Variants in MYRIP observed in about 807,000 individuals in gnomAD.
MYRIP encodes rab effector MyRIP.
A neutral mutation model predicts 98.0 loss-of-function variants in MYRIP; 49 were observed. That is an observed-to-expected ratio of 0.50 (90% CI 0.40 to 0.63). The LOEUF (loss-of-function observed/expected upper bound fraction) is 0.63. Ranked by LOEUF, MYRIP falls within the 30% of genes least tolerant of loss-of-function variation. MYRIP has a pLI of 0.00. For missense variants in MYRIP, 1,004 were observed against 1,058.2 expected (o/e 0.95, Z 0.71); for synonymous variants, 404 against 409.5 (o/e 0.99, Z 0.16).
intron 2 of MYRIP, among the ~76,000 whole-genome samples, chr3:40,036,522 A>G (rs921591203): frequency 2.6e-5 from 4 of 152,036 alleles, no homozygotes; most frequent in African/African-American, 9.7e-5. Context: ...AAATGTGTAT[A>G]AATCTCTACA....
chr3:39,861,994 A>G (rs1942485643), intron 1 of MYRIP, among the ~76,000 whole-genome samples: 1 of 152,280 alleles, frequency 6.6e-6, no homozygotes, highest in African/African-American at 2.4e-5. Flanking sequence ...GCAGAGAATC[A>G]TTGTGAAATA....
At chr3:40,189,713 C>A in intron 9 of MYRIP, 113 bp from the exon 10 acceptor site, 3 of 1,172,244 alleles carry the variant, frequency 2.6e-6, no homozygotes, top group Non-Finnish European at 3.6e-6. Flanking sequence ...CTAAAGGCAA[C>A]TGCTCTCCAA....
intron 3 of MYRIP, among the ~76,000 whole-genome samples, chr3:40,142,647 T>G (rs935112167): frequency 2.0e-5 from 3 of 151,782 alleles, no homozygotes; most frequent in African/African-American, 7.3e-5. Context: ...TTTGTAGAGA[T>G]GGGGCTTTGC....
chr3:39,929,008 TTGTGTGTGTGTTTGTGGTC>T (rs905849377), intron 2 of MYRIP, among the ~76,000 whole-genome samples: 2 of 151,686 alleles, frequency 1.3e-5, no homozygotes, highest in Non-Finnish European at 2.9e-5. Flanking sequence ...CAAAAATTCA[TTGTGTGTGTGTTTGTGGTC>T]TGTGTGTGTG....
intron 9 of MYRIP, among the ~76,000 whole-genome samples, chr3:40,188,451 G>A (rs1003522762): frequency 1.4e-5 from 2 of 148,064 alleles, no homozygotes; most frequent in Admixed American, 1.3e-4. Flanking sequence ...CTGCCCCCAG[G>A]CAACCCTGCA....
At chr3:40,015,412 A>C (rs1946841284) in intron 2 of MYRIP, among the ~76,000 whole-genome samples, 1 of 152,220 alleles carries the variant, frequency 6.6e-6, no homozygotes, top group Non-Finnish European at 1.5e-5. Flanking sequence ...ATCAGGGTTG[A>C]GACATGACCC....
intron 2 of MYRIP, among the ~76,000 whole-genome samples, chr3:39,918,119 G>A (rs898851700): frequency 6.6e-6 from 1 of 151,940 alleles, no homozygotes; most frequent in African/African-American, 2.4e-5. Flanking sequence ...GTAGAGACGG[G>A]GTTTCACCGT....
At chr3:40,123,672 G>A (rs913369251) in intron 3 of MYRIP, among the ~76,000 whole-genome samples, 3 of 152,220 alleles carry the variant, frequency 2.0e-5, no homozygotes, top group Non-Finnish European at 2.9e-5. Context: ...TCCATTGTGA[G>A]CTGATCCCTC....
intron 3 of MYRIP, among the ~76,000 whole-genome samples, chr3:40,071,663 GT>G (rs1948233302): frequency 6.6e-6 from 1 of 152,154 alleles, no homozygotes; most frequent in Non-Finnish European, 1.5e-5. Flanking sequence ...ATTTTCAGAG[GT>G]TTGCGAGCAG....
intron 1 of MYRIP, among the ~76,000 whole-genome samples, chr3:39,860,372 T>C (rs1258190103): frequency 6.6e-6 from 1 of 152,198 alleles, no homozygotes; most frequent in African/African-American, 2.4e-5. Flanking sequence ...GGGTTTGATA[T>C]GGCAGCATCT....
At chr3:39,877,690 C>G (rs1047894026) in intron 1 of MYRIP, among the ~76,000 whole-genome samples, 1 of 152,126 alleles carries the variant, frequency 6.6e-6, no homozygotes, top group Non-Finnish European at 1.5e-5. Context: ...GCTGTCTGAT[C>G]GTTCCTCTGG....
At chr3:40,087,237 C>T (rs1346034728) in intron 3 of MYRIP, among the ~76,000 whole-genome samples, 1 of 152,066 alleles carries the variant, frequency 6.6e-6, no homozygotes, top group African/African-American at 2.4e-5. Context: ...AGCTCCAAAA[C>T]CACACTTTCT....
intron 12 of MYRIP, among the ~76,000 whole-genome samples, chr3:40,235,081 C>T (rs921158780): frequency 6.6e-6 from 1 of 150,918 alleles, no homozygotes; most frequent in Admixed American, 6.6e-5. Flanking sequence ...CCATTAGCAA[C>T]AAGAAGCCCA....
chr3:40,167,390 T>C (rs1950522134), intron 7 of MYRIP, 151 bp downstream of exon 7: 1 of 718,518 alleles, frequency 1.4e-6, no homozygotes, highest in Non-Finnish European at 2.4e-6. Context: ...TGGGGACCCA[T>C]GCAGAGGGAA....
At chr3:39,929,090 A>G (rs986836387) in intron 2 of MYRIP, among the ~76,000 whole-genome samples, 4 of 152,034 alleles carry the variant, frequency 2.6e-5, no homozygotes. Context: ...AAATTGTATC[A>G]AATTAAAACA....
Position 40,151,036 on chromosome 3 carries a change from T to G in MYRIP, c.333-12T>G. On this transcript the variant is annotated splice_polypyrimidine_tract_variant and intron_variant, in intron 3 of 16. Coordinates refer to ENST00000302541, the MANE Select transcript of MYRIP (RefSeq NM_015460.4). Reference sequence around the variant, plus strand: ...ATTCTAATTTTGTGTTGTCTAATTCTGTTTTCCTCAGGCTTCTGAGGGCCC... The same window carrying G: ...ATTCTAATTTTGTGTTGTCTAATTCGGTTTTCCTCAGGCTTCTGAGGGCCC... 1 of 1,562,406 alleles carries G rather than the reference T, an allele frequency of 6.4e-7. No homozygotes were observed.
chr3:40,210,190 A>G, intron 11 of MYRIP, 97 bp downstream of exon 11: 4 of 1,436,342 alleles, frequency 2.8e-6, no homozygotes, highest in Non-Finnish European at 3.7e-6. Context: ...TGGGTCCCCA[A>G]AGAGCTCTCT....
chr3:40,194,615 T>C (rs115012465), intron 10 of MYRIP, among the ~76,000 whole-genome samples: 2,649 of 152,244 alleles, frequency 0.017, 35 homozygotes, highest in Non-Finnish European at 0.027. Flanking sequence ...AGAAGCCTTT[T>C]TAAGTTTTGA....
At chr3:40,005,569 A>G (rs1946612362) in intron 2 of MYRIP, among the ~76,000 whole-genome samples, 1 of 152,242 alleles carries the variant, frequency 6.6e-6, no homozygotes. Flanking sequence ...TGGAAAATAG[A>G]TTTCATAGGC....
Sources: gnomAD v4.1 joint callset for allele counts (sites outside exome capture counted in the v4.1 genomes callset) on GRCh38, gnomAD v4.1.1 for gene constraint, MANE v1.5 for transcripts, NCBI Gene and HGNC (gene_info 2026-07-23, HGNC 2026-07-21) for gene names.